The following GNG4 variants were observed in gnomAD, a reference collection of about 807,000 sequenced individuals.
GNG4 encodes the protein guanine nucleotide-binding protein G(I)/G(S)/G(O) subunit gamma-4.
Under a neutral mutation model 5.8 loss-of-function variants are expected in GNG4, and 4 were observed. That is an observed-to-expected ratio of 0.69 (90% CI 0.34 to 1.57). GNG4 has a LOEUF of 1.57. GNG4 is among the 40% of genes most tolerant of loss of function. The pLI is 0.06. For synonymous variants in GNG4, 29 were observed against 32.9 expected (o/e 0.88, Z 0.41); for missense variants, 96 against 95.1 (o/e 1.01, Z -0.04).
intron 1 of GNG4, among the ~76,000 whole-genome samples, chr1:235,640,604 C>T (rs1305325201): frequency 6.6e-6 from 1 of 152,256 alleles, no homozygotes; most frequent in Non-Finnish European, 1.5e-5. Context: ...CGCATCAAGG[C>T]GAATACATAA....
At chr1:235,589,695 C>T (rs1004786155) in intron 2 of GNG4, among the ~76,000 whole-genome samples, 9 of 152,088 alleles carry the variant, frequency 5.9e-5, no homozygotes, top group East Asian at 1.9e-4. Flanking sequence ...TTTTCCTCCC[C>T]GACGGAGGGA....
At chr1:235,623,998 G>A (rs554015082) in intron 1 of GNG4, among the ~76,000 whole-genome samples, 11 of 152,274 alleles carry the variant, frequency 7.2e-5, no homozygotes, top group Non-Finnish European at 8.8e-5. Context: ...AGGGTCCTCC[G>A]AGCCTTTGCC....
chr1:235,630,253 T>G (rs1035019352), intron 1 of GNG4, among the ~76,000 whole-genome samples: 4 of 152,198 alleles, frequency 2.6e-5, no homozygotes, highest in Non-Finnish European at 5.9e-5. Context: ...CTGGTCATCT[T>G]TCTTCAAGAC....
chr1:235,562,586 A>G (rs1241843466), intron 3 of GNG4, among the ~76,000 whole-genome samples: 1 of 150,584 alleles, frequency 6.6e-6, no homozygotes, highest in Non-Finnish European at 1.5e-5. Flanking sequence ...CAGAGGTTGC[A>G]GAGAGCCAAG....
rs1410842231 is a variant in GNG4 at position 235,642,417 on chromosome 1, C to A, written c.-123+7245G>T. On this transcript the variant is annotated intron_variant, in intron 1 of 3. Coordinates refer to ENST00000391854, the MANE Select transcript of GNG4 (RefSeq NM_001098722.2). The surrounding 1 kb of genome is among the most constrained non-coding windows in gnomAD (Gnocchi z 4.3). The stretch of plus-strand genomic sequence containing the variant: ...CACGGAAGGATGATACACTGTGATT[C>A]CCCGACGTGGGCCTGCAGCAAGAGA... 6.6e-6 allele frequency among the ~76,000 whole-genome samples: 1 copy of A among 152,196 alleles called. No homozygotes were observed. Among genetic ancestry groups the A allele is most frequent in the African/African-American group, 2.4e-5 (1 of 41,450 alleles).
chr1:235,560,724 T>A (rs1003414040), intron 3 of GNG4, among the ~76,000 whole-genome samples: 6 of 152,208 alleles, frequency 3.9e-5, no homozygotes, highest in African/African-American at 4.8e-5. Context: ...AGAGATCCCT[T>A]TCTAAGTGCA....
chr1:235,618,507 T>C (rs10754706), intron 1 of GNG4, among the ~76,000 whole-genome samples: 1 of 151,752 alleles, frequency 6.6e-6, no homozygotes, highest in Admixed American at 6.6e-5. Flanking sequence ...ATAACATGAG[T>C]TTCTTTAGCC....
chr1:235,593,817 C>T (rs1688051870), intron 2 of GNG4, among the ~76,000 whole-genome samples: 1 of 152,120 alleles, frequency 6.6e-6, no homozygotes, highest in Admixed American at 6.6e-5. Flanking sequence ...AGCCGCAGAC[C>T]TTCGTGGTGA....
At position 235,551,915 on chromosome 1, in the gene GNG4, TAACATG is replaced by T; in HGVS notation, c.*188_*193del. On this transcript the variant is annotated 3_prime_UTR_variant, in exon 4 of 4. Coordinates refer to ENST00000391854, the MANE Select transcript of GNG4 (RefSeq NM_001098722.2). ...TGATTTTCTTTGCCAATAATGAAAA[TAACATG>T]AAAATGAAAAGGAAAAAAATGAAAT... 2.0e-6 allele frequency: 1 copy of T among 505,594 alleles called. No individual in the cohort carries two copies. Among genetic ancestry groups the T allele is most frequent in the Admixed American group, 2.9e-5 (1 of 34,548 alleles). The allele number at this position is 505,594 out of a possible 1,614,324, so 31.3% of individuals were successfully genotyped here.
At chr1:235,646,511 C>T (rs1654847484) in intron 1 of GNG4, among the ~76,000 whole-genome samples, 1 of 152,176 alleles carries the variant, frequency 6.6e-6, no homozygotes, top group Non-Finnish European at 1.5e-5. Flanking sequence ...GCCCTTCTTT[C>T]CCCTTGTTGC....
At chr1:235,620,076 G>A (rs774385449) in intron 1 of GNG4, among the ~76,000 whole-genome samples, 4 of 152,130 alleles carry the variant, frequency 2.6e-5, no homozygotes, top group Non-Finnish European at 5.9e-5. Context: ...TAAAACTTTC[G>A]TTGGAGGTTG....
intron 1 of GNG4, among the ~76,000 whole-genome samples, chr1:235,601,766 G>A (rs1688262726): frequency 6.6e-6 from 1 of 151,994 alleles, no homozygotes; most frequent in African/African-American, 2.4e-5. Context: ...GATGGGTGCC[G>A]CTTCCAGGCC....
At chr1:235,616,986 G>A (rs1469608660) in intron 1 of GNG4, among the ~76,000 whole-genome samples, 5 of 147,616 alleles carry the variant, frequency 3.4e-5, no homozygotes, top group Admixed American at 2.8e-4. Flanking sequence ...GACCTCAGGT[G>A]ATCCATCTGT....
intron 1 of GNG4, among the ~76,000 whole-genome samples, chr1:235,596,215 C>T (rs57232070): frequency 8.4e-6 from 1 of 119,724 alleles, no homozygotes; most frequent in African/African-American, 3.8e-5. Context: ...AAAATACACA[C>T]ACACACACAC....
upstream of GNG4, among the ~76,000 whole-genome samples, chr1:235,650,211 CG>C (rs572933922): frequency 0.17 from 6,113 of 35,764 alleles, 189 homozygotes; most frequent in South Asian, 0.33. Context: ...CCCGCGTGGC[CG>C]GGGGACCACT....
rs1572602503 is a variant in GNG4 at position 235,551,208 on chromosome 1, C to T, written c.*901G>A. On this transcript the variant is annotated 3_prime_UTR_variant, in exon 4 of 4. Transcript: ENST00000391854. ...CTGAAACAAGGGACATCCACCACGG[C>T]CCACAGCCGGGGCGCCACGGCCCCA... is the stretch of plus-strand genomic sequence containing the variant. 1.3e-5 allele frequency: 2 copies of T among 152,476 alleles called. No individual in the cohort carries two copies. The highest frequency in any genetic ancestry group is 4.1e-4 in the South Asian group (2 of 4,830). The allele number at this position is 152,476 out of a possible 1,614,324, so 9.4% of individuals were successfully genotyped here.
intron 3 of GNG4, among the ~76,000 whole-genome samples, chr1:235,561,064 C>T (rs999420281): frequency 1.9e-4 from 29 of 152,200 alleles, no homozygotes; most frequent in African/African-American, 6.8e-4. Flanking sequence ...GGCTGCAGTG[C>T]AGTGGCGCCA....
At chr1:235,623,630 C>A (rs1688752467) in intron 1 of GNG4, among the ~76,000 whole-genome samples, 2 of 152,218 alleles carry the variant, frequency 1.3e-5, no homozygotes, top group South Asian at 4.1e-4. Context: ...CCTTTCTTGT[C>A]TGGTGAGCAC....
In GNG4 at chr1:235,551,994, A is replaced by G; in HGVS notation, c.*115T>C. 1 of 775,582 alleles carries G rather than the reference A, an allele frequency of 1.3e-6. No homozygotes were observed. Among genetic ancestry groups the G allele is most frequent in the Non-Finnish European group, 2.1e-6 (1 of 471,978 alleles). The allele number at this position is 775,582 out of a possible 1,614,324, so 48.0% of individuals were successfully genotyped here. ...TGGAAACATAAGACAAGCCCCGGCCACTGTTGGCTGGGCAGGGATGGGTGT... is the reference window on the plus strand; with the variant it reads ...TGGAAACATAAGACAAGCCCCGGCCGCTGTTGGCTGGGCAGGGATGGGTGT... On this transcript the variant is annotated 3_prime_UTR_variant, in exon 4 of 4. Transcript: ENST00000391854.
Sources: gnomAD v4.1 joint callset for allele counts (sites outside exome capture counted in the v4.1 genomes callset) on GRCh38, gnomAD v4.1.1 for gene constraint, Gnocchi (gnomAD v3.1) non-coding constraint, MANE v1.5 for transcripts, NCBI Gene and HGNC (gene_info 2026-07-23, HGNC 2026-07-21) for gene names.